The following KCNIP3 variants were observed in gnomAD, a reference collection of about 807,000 sequenced individuals.
KCNIP3 encodes the protein calsenilin.
KCNIP3 carries 28 observed loss-of-function variants against 35.0 expected under a neutral mutation model. The ratio of observed to expected loss-of-function variants is 0.80; its 90% CI spans 0.59 to 1.10. The LOEUF is 1.10. KCNIP3 is among the 50% of genes least tolerant of loss of function. The pLI, the probability that KCNIP3 is intolerant of heterozygous loss-of-function variation, is 0.00. For synonymous variants in KCNIP3, 134 were observed against 133.8 expected, an observed-to-expected ratio of 1.00 and a Z score of -0.01; for missense variants, 295 against 338.4, an observed-to-expected ratio of 0.87 and a Z score of 1.01.
At chr2:95,350,711 T>C (rs1573506566) in intron 2 of KCNIP3, among the ~76,000 whole-genome samples, 2 of 151,994 alleles carry the variant, frequency 1.3e-5, no homozygotes. Flanking sequence ...GCAGTGGAGG[T>C]GGGGGGCCAG....
chr2:95,333,712 T>C (rs2104247963), intron 2 of KCNIP3, among the ~76,000 whole-genome samples: 1 of 152,324 alleles, frequency 6.6e-6, no homozygotes, highest in East Asian at 1.9e-4. Context: ...TAAGCAGCAA[T>C]GAATGACACT....
intron 5 of KCNIP3, among the ~76,000 whole-genome samples, chr2:95,379,043 C>T (rs1275136623): frequency 6.6e-6 from 1 of 152,012 alleles, no homozygotes. Context: ...CCATGTCCCC[C>T]AGAAGCTTGC....
chr2:95,381,549 C>G, intron 5 of KCNIP3, 47 bp from the exon 6 acceptor site: 1 of 1,375,836 alleles, frequency 7.3e-7, no homozygotes, highest in Non-Finnish European at 1.0e-6. Flanking sequence ...GAACTAGAAC[C>G]TGGGCATTGA....
At chr2:95,330,443 G>A (rs576742778) in intron 2 of KCNIP3, among the ~76,000 whole-genome samples, 2 of 152,206 alleles carry the variant, frequency 1.3e-5, no homozygotes, top group Non-Finnish European at 2.9e-5. Context: ...TCTCAGGGCA[G>A]GGTGACCAGG....
At chr2:95,383,400 T>C in intron 8 of KCNIP3, 106 bp downstream of exon 8, 1 of 1,141,882 alleles carries the variant, frequency 8.8e-7, no homozygotes, top group Non-Finnish European at 1.3e-6. Flanking sequence ...CCCCTGCCAG[T>C]CCAGGATGTG....
At chr2:95,345,306 C>T (rs574171541) in intron 2 of KCNIP3, among the ~76,000 whole-genome samples, 9 of 152,368 alleles carry the variant, frequency 5.9e-5, no homozygotes, top group African/African-American at 2.2e-4. Flanking sequence ...TAGGTTTCCT[C>T]CCCCGTAAAA....
At chr2:95,307,299 T>C (rs1382886719) in intron 1 of KCNIP3, among the ~76,000 whole-genome samples, 2 of 152,186 alleles carry the variant, frequency 1.3e-5, no homozygotes, top group Non-Finnish European at 2.9e-5. Context: ...AGGCTGCTGA[T>C]GTGCCTGAGG....
Position 95,384,094 on chromosome 2 carries a change from A to G in KCNIP3, c.*45A>G. On this transcript the variant is annotated 3_prime_UTR_variant, in exon 9 of 9. Transcript: ENST00000295225. ...ATGGCCACAGCCACCTCCACCCCCA[A>G]GAAACCTCCATCCTGCCAGGAGCAG... 1 of 1,581,756 alleles carries G rather than the reference A, an allele frequency of 6.3e-7. No homozygotes were observed. Among genetic ancestry groups the G allele is most frequent in the African/African-American group, 1.3e-5 (1 of 74,324 alleles).
rs181020830 is a variant in KCNIP3 at position 95,377,693 on chromosome 2, G to A, written c.447+2485G>A. 3.3e-5 allele frequency among the ~76,000 whole-genome samples: 5 copies of A among 152,362 alleles called. No individual in the cohort carries two copies. The highest frequency in any genetic ancestry group is 5.9e-5 in the Non-Finnish European group (4 of 68,036). ...CGTGCACTCAGACATGGGCTGGCTG[G>A]ACTTGGGGTCATCTGTGTATTACCT... is the stretch of plus-strand genomic sequence containing the variant. On this transcript the variant is annotated intron_variant, in intron 5 of 8. Transcript: ENST00000295225. This position sits in a 1 kb window ranked among gnomAD's most constrained non-coding sequence, Gnocchi z 4.7.
rs1010262046 is a variant in KCNIP3, at chr2:95,376,843, G to A, written c.447+1635G>A. Among the ~76,000 whole-genome samples the A allele has an allele frequency of 4.6e-5, 7 of 152,252 alleles. No homozygotes were observed. Among genetic ancestry groups the A allele is most frequent in the South Asian group, 2.1e-4 (1 of 4,816 alleles). On this transcript the variant is annotated intron_variant, in intron 5 of 8. Coordinates refer to ENST00000295225, the MANE Select transcript of KCNIP3 (RefSeq NM_013434.5). This position sits in a 1 kb window ranked among gnomAD's most constrained non-coding sequence, Gnocchi z 4.2. The stretch of plus-strand genomic sequence containing the variant: ...CCAGCCCTCAGAGCCTCCTACGTGC[G>A]TCTGTAATGCAAGGCAACCCTGCAT...
chr2:95,376,380 A>G lies in KCNIP3; in HGVS notation c.447+1172A>G, dbSNP rs1170819033. On this transcript the variant is annotated intron_variant, in intron 5 of 8. Coordinates refer to ENST00000295225, the MANE Select transcript of KCNIP3 (RefSeq NM_013434.5). The surrounding 1 kb of genome is among the most constrained non-coding windows in gnomAD (Gnocchi z 4.2). ...GAATGAGATGACTGAGAGGCTCGGC[A>G]GAGCCCCTGCTCATGGCAGTGCTCA... Among the ~76,000 whole-genome samples, 1 of 152,200 alleles carries G rather than the reference A, an allele frequency of 6.6e-6. No homozygotes were observed.
chr2:95,326,257 TACACTC>T (rs911242262), intron 2 of KCNIP3, among the ~76,000 whole-genome samples: 9 of 57,808 alleles, frequency 1.6e-4, no homozygotes, highest in African/African-American at 6.7e-4. Flanking sequence ...CACTCACACA[TACACTC>T]ACACATACAC....
chr2:95,373,516 C>G (rs1293920688), intron 2 of KCNIP3, among the ~76,000 whole-genome samples: 5 of 150,182 alleles, frequency 3.3e-5, no homozygotes, highest in Admixed American at 1.3e-4. Flanking sequence ...TCCGCCTCCC[C>G]GGTTCACACC....
Position 95,310,025 on chromosome 2 carries a change from G to A in KCNIP3, c.16-330G>A, listed in dbSNP as rs558963231. On this transcript the variant is annotated intron_variant, in intron 1 of 8. Coordinates refer to ENST00000295225, the MANE Select transcript of KCNIP3 (RefSeq NM_013434.5). ...GGATTGGGATCGTGATTTCTAAGGG[G>A]CTGTCCAGCTCCGACAACCTGGCCT... Among the ~76,000 whole-genome samples, 17 of 152,364 alleles carry A rather than the reference G, an allele frequency of 1.1e-4. No homozygotes were observed. In the South Asian group the frequency reaches 2.7e-3, roughly 24 times the overall value.
intron 2 of KCNIP3, among the ~76,000 whole-genome samples, chr2:95,362,209 C>T (rs1679815150): frequency 6.6e-6 from 1 of 151,748 alleles, no homozygotes; most frequent in Non-Finnish European, 1.5e-5. Flanking sequence ...TGGGTTCAAG[C>T]GATTCTCCTG....
At chr2:95,307,502 C>A (rs1488910217) in intron 1 of KCNIP3, among the ~76,000 whole-genome samples, 2 of 152,230 alleles carry the variant, frequency 1.3e-5, no homozygotes, top group Non-Finnish European at 2.9e-5. Flanking sequence ...ATCGTCTTAC[C>A]GATTGCAGGG....
rs1179469507 is a variant in KCNIP3 at position 95,378,057 on chromosome 2, C to T, written c.447+2849C>T. 1.3e-5 allele frequency among the ~76,000 whole-genome samples: 2 copies of T among 152,256 alleles called. No individual in the cohort carries two copies. The highest frequency in any genetic ancestry group is 4.8e-5 in the African/African-American group (2 of 41,464). On this transcript the variant is annotated intron_variant, in intron 5 of 8. Coordinates refer to ENST00000295225, the MANE Select transcript of KCNIP3 (RefSeq NM_013434.5). The surrounding 1 kb of genome is among the most constrained non-coding windows in gnomAD (Gnocchi z 4.0). ...CTTAGAATCTTCACTACTGTGTAAA[C>T]CATGCCCAAGCTTCAGTGATTATTA...
intron 2 of KCNIP3, among the ~76,000 whole-genome samples, chr2:95,341,945 G>C (rs527894419): frequency 8.7e-4 from 133 of 152,342 alleles, no homozygotes; most frequent in African/African-American, 3.2e-3. Context: ...GAGGGAAAAG[G>C]ACGGGGGCGG....
intron 1 of KCNIP3, among the ~76,000 whole-genome samples, chr2:95,300,158 G>A (rs969532884): frequency 6.6e-6 from 1 of 152,238 alleles, no homozygotes; most frequent in Non-Finnish European, 1.5e-5. Context: ...CAGCCGTGCG[G>A]CCGGTGGTCT....
Sources: gnomAD v4.1 joint callset for allele counts (sites outside exome capture counted in the v4.1 genomes callset) on GRCh38, gnomAD v4.1.1 for gene constraint, Gnocchi (gnomAD v3.1) non-coding constraint, MANE v1.5 for transcripts, NCBI Gene and HGNC (gene_info 2026-07-23, HGNC 2026-07-21) for gene names.